AGPAT1: variants seen among roughly 807,000 people sequenced by gnomAD.
AGPAT1 encodes 1-acyl-sn-glycerol-3-phosphate acyltransferase alpha.
Under a neutral mutation model 31.2 loss-of-function variants are expected in AGPAT1, and 6 were observed. The ratio of observed to expected loss-of-function variants is 0.19; its 90% CI spans 0.11 to 0.38. The LOEUF is 0.38. AGPAT1 is among the 10% of genes least tolerant of loss of function. The probability of loss-of-function intolerance (pLI) is 1.00; values close to 1 mark genes in which losing one functional copy is unlikely to be tolerated. For synonymous variants in AGPAT1, 139 were observed against 154.0 expected, an observed-to-expected ratio of 0.90 and a Z score of 0.72; for missense variants, 187 against 377.8, an observed-to-expected ratio of 0.49 and a Z score of 4.19.
chr6:32,172,714 G>T lies in AGPAT1; in HGVS notation c.-9-1209C>A, dbSNP rs1785213518. Among the ~76,000 whole-genome samples, 4 of 152,130 alleles carry T rather than the reference G, an allele frequency of 2.6e-5. No individual in the cohort carries two copies. In the South Asian group the frequency reaches 8.3e-4, roughly 32 times the overall value. ...AGCACACAGCATATATGGTGATTGT[G>T]ACAGAACACTCACAGCCATATACCC... is the stretch of plus-strand genomic sequence containing the variant. On this transcript the variant is annotated intron_variant, in intron 1 of 6. Transcript: ENST00000375107. This position sits in a 1 kb window ranked among gnomAD's most constrained non-coding sequence, Gnocchi z 4.3.
chr6:32,172,104 G>C lies in AGPAT1; in HGVS notation c.-9-599C>G. The C allele has an allele frequency of 6.4e-6, 1 of 156,732 alleles. No individual in the cohort carries two copies. Among genetic ancestry groups the C allele is most frequent in the East Asian group, 1.9e-4 (1 of 5,254 alleles). 9.7% of individuals were successfully genotyped at this position (156,732 alleles called of 1,614,324 possible). A position where few individuals can be genotyped will look rare whatever the true frequency, so the allele number is the denominator to read the frequency against. The stretch of plus-strand genomic sequence containing the variant: ...CGAGGTGGGCAGATCACGAGGTCAG[G>C]AGTTCAGGACCAGCCTGACCAACAT... On this transcript the variant is annotated intron_variant, in intron 1 of 6. Transcript: ENST00000375107. This position sits in a 1 kb window ranked among gnomAD's most constrained non-coding sequence, Gnocchi z 4.3.
Position 32,170,813 on chromosome 6 carries a change from G to C in AGPAT1, c.334+124C>G, listed in dbSNP as rs1316312469. 2 of 1,332,208 alleles carry C rather than the reference G, an allele frequency of 1.5e-6. No homozygotes were observed. The highest frequency in any genetic ancestry group is 2.1e-6 in the Non-Finnish European group (2 of 952,846). 82.5% of individuals were successfully genotyped at this position (1,332,208 alleles called of 1,614,324 possible). A position where few individuals can be genotyped will look rare whatever the true frequency, so the allele number is the denominator to read the frequency against. On this transcript the variant is annotated intron_variant, in intron 3 of 6. Coordinates refer to ENST00000375107, the MANE Select transcript of AGPAT1 (RefSeq NM_006411.4). The surrounding 1 kb of genome is among the most constrained non-coding windows in gnomAD (Gnocchi z 7.7). ...CTACCCAGGGAATGAAGGCCTGAGT[G>C]GGAGGCAAGGGGGCAATGTCCCAGA... is the stretch of plus-strand genomic sequence containing the variant.
rs773358832 is a variant in AGPAT1, at chr6:32,170,404, C to T, written c.510+21G>A. On this transcript the variant is annotated intron_variant, in intron 4 of 6. Coordinates refer to ENST00000375107, the MANE Select transcript of AGPAT1 (RefSeq NM_006411.4). The surrounding 1 kb of genome is among the most constrained non-coding windows in gnomAD (Gnocchi z 7.7). ...TCTACTCTGTATCCCTCCAATCCCCCATTTCCCCAGGATGACTCACGTCCT... is the reference window on the plus strand; with the variant it reads ...TCTACTCTGTATCCCTCCAATCCCCTATTTCCCCAGGATGACTCACGTCCT... 6.2e-7 allele frequency: 1 copy of T among 1,613,682 alleles called. No homozygotes were observed. Among genetic ancestry groups the T allele is most frequent in the African/African-American group, 1.3e-5 (1 of 74,926 alleles).
In AGPAT1 at chr6:32,171,584, G is replaced by T; in HGVS notation, c.-9-79C>A. ...TAGGCAAGGCACAGAAGGCAGGGCT[G>T]GGGGCTGGTGCTATGAGGACAAGGG... On this transcript the variant is annotated intron_variant, in intron 1 of 6. Coordinates refer to ENST00000375107, the MANE Select transcript of AGPAT1 (RefSeq NM_006411.4). The surrounding 1 kb of genome is among the most constrained non-coding windows in gnomAD (Gnocchi z 6.9). The T allele has an allele frequency of 6.6e-7, 1 of 1,516,372 alleles. No individual in the cohort carries two copies. The highest frequency in any genetic ancestry group is 1.2e-5 in the South Asian group (1 of 82,270). 93.9% of individuals were successfully genotyped at this position (1,516,372 alleles called of 1,614,324 possible).
rs1205647281 is a variant in AGPAT1, at chr6:32,168,339, C to G, written c.*937G>C. ...TACCTCCCCAGTTGTGGGAACAGGT[C>G]TGGAGTGAGAGGCAGGGAGTGGCTA... On this transcript the variant is annotated 3_prime_UTR_variant, in exon 7 of 7. Transcript: ENST00000375107. This position sits in a 1 kb window ranked among gnomAD's most constrained non-coding sequence, Gnocchi z 4.5. 1 of 214,416 alleles carries G rather than the reference C, an allele frequency of 4.7e-6. No individual in the cohort carries two copies. Among genetic ancestry groups the G allele is most frequent in the Non-Finnish European group, 9.2e-6 (1 of 108,458 alleles). 13.3% of individuals were successfully genotyped at this position (214,416 alleles called of 1,614,324 possible). A position where few individuals can be genotyped will look rare whatever the true frequency, so the allele number is the denominator to read the frequency against.
In AGPAT1 at chr6:32,173,629, G is replaced by A. The variant is rs1197639253; in HGVS notation, c.-9-2124C>T. 6.6e-6 allele frequency among the ~76,000 whole-genome samples: 1 copy of A among 152,194 alleles called. No homozygotes were observed. The highest frequency in any genetic ancestry group is 1.5e-5 in the Non-Finnish European group (1 of 68,034). On this transcript the variant is annotated intron_variant, in intron 1 of 6. Transcript: ENST00000375107. This position sits in a 1 kb window ranked among gnomAD's most constrained non-coding sequence, Gnocchi z 4.7. Reference sequence around the variant, plus strand: ...CAAAACTCTTTGTTCCAGTCAAACTGATTCACTTCAGTTCCTCAGACACCA... The same window carrying A: ...CAAAACTCTTTGTTCCAGTCAAACTAATTCACTTCAGTTCCTCAGACACCA...
rs1561851409 is a variant in AGPAT1, at chr6:32,173,640, G to C, written c.-9-2135C>G. 6.6e-6 allele frequency among the ~76,000 whole-genome samples: 1 copy of C among 152,162 alleles called. No homozygotes were observed. Among genetic ancestry groups the C allele is most frequent in the Non-Finnish European group, 1.5e-5 (1 of 68,038 alleles). ...GTTCCAGTCAAACTGATTCACTTCA[G>C]TTCCTCAGACACCATGATCTTTCAT... On this transcript the variant is annotated intron_variant, in intron 1 of 6. Transcript: ENST00000375107. The surrounding 1 kb of genome is among the most constrained non-coding windows in gnomAD (Gnocchi z 4.7).
rs1785006064 is a variant in AGPAT1, at chr6:32,170,642, G to C, written c.335-42C>G. 1.9e-6 allele frequency: 3 copies of C among 1,600,162 alleles called. No individual in the cohort carries two copies. In the African/African-American group the frequency reaches 4.0e-5, roughly 21 times the overall value. The stretch of plus-strand genomic sequence containing the variant: ...GTGGGTGAGGATCGGGGTGGAGGCA[G>C]AGTGTCACAGAAGGCAACCCACCTC... On this transcript the variant is annotated intron_variant, in intron 3 of 6. Transcript: ENST00000375107. This position sits in a 1 kb window ranked among gnomAD's most constrained non-coding sequence, Gnocchi z 7.7.
rs58992186 is a variant in AGPAT1 at position 32,175,446 on chromosome 6, T to C, written c.-10+368A>G. ...ATGGAAACAGAGGCACCTAAGGGTA[T>C]TCCTAAGAGGCAAATTCTGCTGGCC... On this transcript the variant is annotated intron_variant, in intron 1 of 6. Transcript: ENST00000375107. This position sits in a 1 kb window ranked among gnomAD's most constrained non-coding sequence, Gnocchi z 4.5. 0.039 allele frequency among the ~76,000 whole-genome samples: 5,955 copies of C among 152,152 alleles called. 262 individuals are homozygous for C. Among genetic ancestry groups the C allele is most frequent in the African/African-American group, 0.11 (4,612 of 41,470 alleles).
rs1345331473 is a variant in AGPAT1, at chr6:32,175,694, C to A, written c.-10+120G>T. 8.9e-6 allele frequency: 4 copies of A among 446,942 alleles called. No homozygotes were observed. The highest frequency in any genetic ancestry group is 1.2e-5 in the Non-Finnish European group (4 of 337,554). 27.7% of individuals were successfully genotyped at this position (446,942 alleles called of 1,614,324 possible). A position where few individuals can be genotyped will look rare whatever the true frequency, so the allele number is the denominator to read the frequency against. ...ACCCTCTTCCCAGTCGGCCCCTCTC[C>A]TTTCCCCAGCAACCCTCTCCCCCAG... On this transcript the variant is annotated intron_variant, in intron 1 of 6. Transcript: ENST00000375107. The surrounding 1 kb of genome is among the most constrained non-coding windows in gnomAD (Gnocchi z 4.5).
chr6:32,177,400 CT>C, upstream of AGPAT1: 1 of 290,262 alleles, frequency 3.4e-6, no homozygotes, highest in Non-Finnish European at 6.3e-6. Context: ...GGCTTTGTCC[CT>C]TTTGCACCAC....
At position 32,169,069 on chromosome 6, in the gene AGPAT1, C is replaced by G. The variant is rs184093218; in HGVS notation, c.*207G>C. 7 of 602,350 alleles carry G rather than the reference C, an allele frequency of 1.2e-5. No individual in the cohort carries two copies. The Admixed American group carries it at 2.1e-4, about 18-fold the overall frequency. The allele number at this position is 602,350 out of a possible 1,614,324, so 37.3% of individuals were successfully genotyped here. A position where few individuals can be genotyped will look rare whatever the true frequency, so the allele number is the denominator to read the frequency against. Reference sequence around the variant, plus strand: ...TGGGGGTCAAGAGTGGAGACTGCACCGAGGCAAGAGTCCATGGATGGGGCC... The same window carrying G: ...TGGGGGTCAAGAGTGGAGACTGCACGGAGGCAAGAGTCCATGGATGGGGCC... On this transcript the variant is annotated 3_prime_UTR_variant, in exon 7 of 7. Coordinates refer to ENST00000375107, the MANE Select transcript of AGPAT1 (RefSeq NM_006411.4). This position sits in a 1 kb window ranked among gnomAD's most constrained non-coding sequence, Gnocchi z 5.9.
rs1426856809 is a variant in AGPAT1 at position 32,168,635 on chromosome 6, T to C, written c.*641A>G. On this transcript the variant is annotated 3_prime_UTR_variant, in exon 7 of 7. Coordinates refer to ENST00000375107, the MANE Select transcript of AGPAT1 (RefSeq NM_006411.4). The surrounding 1 kb of genome is among the most constrained non-coding windows in gnomAD (Gnocchi z 4.5). Reference sequence around the variant, plus strand: ...AAAACCAGAAATGTGGAGACTGAACTGGTATCCCAGAGAGTGCACGACCCT... The same window carrying C: ...AAAACCAGAAATGTGGAGACTGAACCGGTATCCCAGAGAGTGCACGACCCT... 6.5e-6 allele frequency: 1 copy of C among 154,054 alleles called. No homozygotes were observed. The highest frequency in any genetic ancestry group is 1.4e-5 in the Non-Finnish European group (1 of 69,436). The allele number at this position is 154,054 out of a possible 1,614,324, so 9.5% of individuals were successfully genotyped here.
rs780934272 is a variant in AGPAT1, at chr6:32,170,512, C to T, written c.423G>A (p.Leu141=). 6.2e-7 allele frequency: 1 copy of T among 1,613,080 alleles called. No homozygotes were observed. Among genetic ancestry groups the T allele is most frequent in the South Asian group, 1.1e-5 (1 of 91,090 alleles). The part of the protein sequence containing the change: ...WAGSAGLACW[L]AGVIFIDRKR... ...TCCGGTCGATGAAGATGACTCCTGCCAGCCAGCAGGCCAGCCCGGCAGAGC... is the reference window on the plus strand; with the variant it reads ...TCCGGTCGATGAAGATGACTCCTGCTAGCCAGCAGGCCAGCCCGGCAGAGC... The change falls in exon 4 of 7, where the codon CTG becomes CTA. Residue 141 remains leucine (L), a synonymous_variant. Transcript: ENST00000375107. The surrounding 1 kb of genome is among the most constrained non-coding windows in gnomAD (Gnocchi z 7.7).
In AGPAT1 at chr6:32,170,174, C is replaced by G; in HGVS notation, c.597G>C (p.Val199=). ...GAAGAGCAGTAGTCACCTGGGCCTGCACTGCAAGATGGAAGGCGCCACGTT... is the reference window on the plus strand; with the variant it reads ...GAAGAGCAGTAGTCACCTGGGCCTGGACTGCAAGATGGAAGGCGCCACGTT... ...PFKRGAFHLA[V]QAQVPIVPIV... The change falls in exon 5 of 7, where the codon GTG becomes GTC. Residue 199 remains valine, a synonymous_variant. Transcript: ENST00000375107. This position sits in a 1 kb window ranked among gnomAD's most constrained non-coding sequence, Gnocchi z 7.7. The G allele has an allele frequency of 6.2e-7, 1 of 1,614,098 alleles. No homozygotes were observed. Among genetic ancestry groups the G allele is most frequent in the Non-Finnish European group, 8.5e-7 (1 of 1,179,994 alleles).
In AGPAT1 at chr6:32,171,291, C is replaced by T. The variant is rs1785077478; in HGVS notation, c.200+6G>A. The stretch of plus-strand genomic sequence containing the variant: ...CCCTCATTGCCCAAGACCCCTTGCC[C>T]CTCACTTCATGTTCTCGACGTTGCG... On this transcript the variant is annotated splice_donor_region_variant and intron_variant, in intron 2 of 6. Coordinates refer to ENST00000375107, the MANE Select transcript of AGPAT1 (RefSeq NM_006411.4). The surrounding 1 kb of genome is among the most constrained non-coding windows in gnomAD (Gnocchi z 6.9). 1 of 1,613,146 alleles carries T rather than the reference C, an allele frequency of 6.2e-7. No individual in the cohort carries two copies. Among genetic ancestry groups the T allele is most frequent in the Non-Finnish European group, 8.5e-7 (1 of 1,180,044 alleles).
chr6:32,170,321 T>C lies in AGPAT1; in HGVS notation c.511-61A>G. The C allele has an allele frequency of 3.1e-6, 5 of 1,605,344 alleles. No individual in the cohort carries two copies. Among genetic ancestry groups the C allele is most frequent in the Non-Finnish European group, 4.3e-6 (5 of 1,173,578 alleles). On this transcript the variant is annotated intron_variant, in intron 4 of 6. Coordinates refer to ENST00000375107, the MANE Select transcript of AGPAT1 (RefSeq NM_006411.4). The surrounding 1 kb of genome is among the most constrained non-coding windows in gnomAD (Gnocchi z 7.7). ...TATGGAGGAGTCAGAATAGGTGTGA[T>C]GTTATAATGGGACCTTTGAGGCCCA...
chr6:32,170,555 C>G lies in AGPAT1; in HGVS notation c.380G>C (p.Arg127Pro). Residue 127 changes from arginine to proline, a missense_variant, in exon 4 of 7, where the codon CGC (arginine) becomes CCC (proline). Physicochemically the swap from Arg to Pro is moderately radical, Grantham distance 103 (BLOSUM62 -2). This residue lies in a region of AGPAT1 where 113 missense variants were observed against 283.1 expected (regional missense o/e 0.40). Transcript: ENST00000375107. The surrounding 1 kb of genome is among the most constrained non-coding windows in gnomAD (Gnocchi z 7.7). ...GGCAGAGCCAGCCCACAGTAGCTCG[C>G]GCTTGGCAATGGGCACACAGCGGCC... ...LPGRCVPIAK[R>P]ELLWAGSAGL... is the part of the protein sequence containing the mutation. 6.2e-7 allele frequency: 1 copy of G among 1,612,832 alleles called. No homozygotes were observed. Among genetic ancestry groups the G allele is most frequent in the Non-Finnish European group, 8.5e-7 (1 of 1,180,032 alleles).
Position 32,169,228 on chromosome 6 carries a change from G to T in AGPAT1, c.*48C>A. The T allele has an allele frequency of 6.3e-7, 1 of 1,595,492 alleles. No individual in the cohort carries two copies. On this transcript the variant is annotated 3_prime_UTR_variant, in exon 7 of 7. Transcript: ENST00000375107. This position sits in a 1 kb window ranked among gnomAD's most constrained non-coding sequence, Gnocchi z 5.9. ...TTCAGGGCCCACTGGGTGGGTAGGT[G>T]TGGGGAGGAAGATGGGGACAGATGG...
Sources: gnomAD v4.1 joint callset for allele counts (sites outside exome capture counted in the v4.1 genomes callset) on GRCh38, gnomAD v4.1.1 for gene constraint, gnomAD v4.1.1 regional missense constraint, Gnocchi (gnomAD v3.1) non-coding constraint, MANE v1.5 for transcripts, NCBI Gene and HGNC (gene_info 2026-07-23, HGNC 2026-07-21) for gene names.